KLF12: variants seen among roughly 807,000 people sequenced by gnomAD.
KLF12 encodes the protein KLF transcription factor 12.
A neutral mutation model predicts 37.8 loss-of-function variants in KLF12; 9 were observed. That is an observed-to-expected ratio of 0.24 (90% CI 0.14 to 0.42). The LOEUF (loss-of-function observed/expected upper bound fraction) is 0.42, where lower values mean the gene tolerates loss of function less well. Ranked by LOEUF, KLF12 falls within the 10% of genes least tolerant of loss-of-function variation. The pLI is 1.00. For missense variants in KLF12, 411 were observed against 516.0 expected (o/e 0.80, Z 1.97); for synonymous variants, 208 against 202.1 (o/e 1.03, Z -0.25).
At chr13:74,229,761 T>A in the KLF12 span, among the ~76,000 whole-genome samples, 2 of 152,146 alleles carry the variant, frequency 1.3e-5, no homozygotes, top group East Asian at 3.9e-4. Context: ...CTACAAGGAT[T>A]GGTTTGGAAG....
the KLF12 span, among the ~76,000 whole-genome samples, chr13:74,205,439 AG>A: frequency 6.6e-6 from 1 of 152,130 alleles, no homozygotes; most frequent in African/African-American, 2.4e-5. Flanking sequence ...GGTTTGGGAG[AG>A]GCTCCTCTTG....
intron 3 of KLF12, among the ~76,000 whole-genome samples, chr13:73,925,323 A>ACT (rs1447683685): frequency 1.3e-5 from 2 of 152,160 alleles, no homozygotes; most frequent in African/African-American, 4.8e-5. Flanking sequence ...AATTGAAGCC[A>ACT]GTGCACATTT....
upstream of KLF12, among the ~76,000 whole-genome samples, chr13:74,135,816 G>T (rs975522360): frequency 1.3e-5 from 2 of 152,332 alleles, no homozygotes; most frequent in South Asian, 2.1e-4. Context: ...GAGTGGGGTG[G>T]GAAGAGAAAC....
At chr13:74,161,068 C>T in the KLF12 span, among the ~76,000 whole-genome samples, 4 of 139,518 alleles carry the variant, frequency 2.9e-5, no homozygotes, top group African/African-American at 1.1e-4. Flanking sequence ...TCAGGAGAGT[C>T]TTTTTTTTTT....
At chr13:73,886,292 T>A (rs1263447368) in intron 3 of KLF12, among the ~76,000 whole-genome samples, 1 of 152,240 alleles carries the variant, frequency 6.6e-6, no homozygotes, top group African/African-American at 2.4e-5. Context: ...AGATAATTTC[T>A]CTTAATTCTC....
the KLF12 span, among the ~76,000 whole-genome samples, chr13:74,263,277 T>A: frequency 6.6e-6 from 1 of 152,180 alleles, no homozygotes; most frequent in Non-Finnish European, 1.5e-5. Flanking sequence ...GTAGTTTAAC[T>A]TGCTCAAACC....
intron 1 of KLF12, among the ~76,000 whole-genome samples, chr13:74,045,683 A>AT (rs1173697795): frequency 6.6e-6 from 1 of 151,616 alleles, no homozygotes; most frequent in African/African-American, 2.4e-5. Context: ...TGGAGTTTGC[A>AT]TGTTCTCCCA....
At chr13:74,139,747 TA>T in the KLF12 span, among the ~76,000 whole-genome samples, 23 of 152,050 alleles carry the variant, frequency 1.5e-4, no homozygotes, top group Non-Finnish European at 2.4e-4. Flanking sequence ...AAATTTGTTT[TA>T]AAAAAAATGA....
intron 2 of KLF12, among the ~76,000 whole-genome samples, chr13:73,946,252 A>C (rs942723353): frequency 1.3e-5 from 2 of 152,220 alleles, no homozygotes; most frequent in Non-Finnish European, 2.9e-5. Flanking sequence ...GAAAAGACAA[A>C]GAGCGATTCT....
intron 5 of KLF12, among the ~76,000 whole-genome samples, chr13:73,778,064 G>A (rs142067129): frequency 0.035 from 5,351 of 151,662 alleles, 122 homozygotes; most frequent in Non-Finnish European, 0.053. Flanking sequence ...AACTCGGGAG[G>A]CAGAGGTTTC....
At chr13:73,744,629 G>C (rs1274543174) in intron 6 of KLF12, among the ~76,000 whole-genome samples, 3 of 152,036 alleles carry the variant, frequency 2.0e-5, no homozygotes, top group Non-Finnish European at 4.4e-5. Context: ...CAACACAGGA[G>C]GAACTGCTAT....
chr13:74,051,298 G>C (rs1440241404), intron 1 of KLF12, among the ~76,000 whole-genome samples: 1 of 150,292 alleles, frequency 6.7e-6, no homozygotes, highest in African/African-American at 2.5e-5. Context: ...ATCAATGGAT[G>C]AATGGATAAA....
chr13:74,142,161 A>C, the KLF12 span, among the ~76,000 whole-genome samples: 2 of 152,230 alleles, frequency 1.3e-5, no homozygotes, highest in East Asian at 3.8e-4. Context: ...TGATTTACCT[A>C]AGGCAAAATG....
intron 3 of KLF12, among the ~76,000 whole-genome samples, chr13:73,923,529 C>T (rs1444874058): frequency 1.3e-5 from 2 of 152,150 alleles, no homozygotes; most frequent in Non-Finnish European, 2.9e-5. Flanking sequence ...CAGGCTGTGC[C>T]CATCAGACAG....
chr13:74,046,057 T>C (rs1162407003), intron 1 of KLF12, among the ~76,000 whole-genome samples: 1 of 152,230 alleles, frequency 6.6e-6, no homozygotes. Flanking sequence ...TTAACTCTTG[T>C]TCCTATCAAT....
intron 5 of KLF12, among the ~76,000 whole-genome samples, chr13:73,768,274 T>C (rs1880049962): frequency 6.6e-6 from 1 of 152,204 alleles, no homozygotes; most frequent in Admixed American, 6.5e-5. Flanking sequence ...ATCTTTAGAA[T>C]GGTGCTCAGT....
At chr13:74,024,658 T>C (rs372567103) in intron 1 of KLF12, among the ~76,000 whole-genome samples, 126 of 152,338 alleles carry the variant, frequency 8.3e-4, no homozygotes, top group Admixed American at 2.1e-3. Context: ...TATAAAATAA[T>C]TGACAATATT....
chr13:74,243,002 C>A, the KLF12 span, among the ~76,000 whole-genome samples: 2 of 152,198 alleles, frequency 1.3e-5, no homozygotes, highest in African/African-American at 4.8e-5. Flanking sequence ...AGGATTGTTA[C>A]ATAGGTATAC....
chr13:73,725,069 A>G (rs1317332012), intron 6 of KLF12, among the ~76,000 whole-genome samples: 2 of 152,188 alleles, frequency 1.3e-5, no homozygotes, highest in African/African-American at 4.8e-5. Context: ...GATTTGAAAC[A>G]CAAAACTACA....
Sources: gnomAD v4.1 joint callset for allele counts (sites outside exome capture counted in the v4.1 genomes callset) on GRCh38, gnomAD v4.1.1 for gene constraint, MANE v1.5 for transcripts, NCBI Gene and HGNC (gene_info 2026-07-23, HGNC 2026-07-21) for gene names.